FOCAD: variants seen among roughly 807,000 people sequenced by gnomAD.
FOCAD encodes KIAA1797.
A neutral mutation model predicts 225.6 loss-of-function variants in FOCAD; 198 were observed. The ratio of observed to expected loss-of-function variants is 0.88; its 90% CI spans 0.78 to 0.99. FOCAD has a LOEUF of 0.99. Among genes scored for constraint, FOCAD ranks in the 50% least tolerant of loss-of-function variants. FOCAD has a pLI of 0.00. For synonymous variants in FOCAD, 897 were observed against 755.0 expected (o/e 1.19, Z -3.08); for missense variants, 2,713 against 2,123.6 (o/e 1.28, Z -5.46).
At chr9:20,739,211 A>G (rs981644541) in intron 4 of FOCAD, among the ~76,000 whole-genome samples, 18 of 152,232 alleles carry the variant, frequency 1.2e-4, no homozygotes, top group Non-Finnish European at 1.5e-5. Flanking sequence ...TTGATTTCTA[A>G]TCAACTATGT....
intron 9 of FOCAD, among the ~76,000 whole-genome samples, chr9:20,781,011 A>G (rs1358369508): frequency 2.0e-5 from 3 of 152,222 alleles, no homozygotes; most frequent in African/African-American, 7.2e-5. Context: ...TGATAATTTA[A>G]CGTTGAATCC....
At chr9:20,753,068 A>G (rs185644143) in intron 5 of FOCAD, among the ~76,000 whole-genome samples, 2,783 of 152,162 alleles carry the variant, frequency 0.018, 52 homozygotes, top group Non-Finnish European at 0.027. Flanking sequence ...GGCTGAGTCA[A>G]TGGGGTTTTC....
intron 28 of FOCAD, among the ~76,000 whole-genome samples, chr9:20,935,972 CAAA>C (rs1448295690): frequency 6.6e-6 from 1 of 151,900 alleles, no homozygotes; most frequent in East Asian, 1.9e-4. Context: ...GAAAAATAAT[CAAA>C]AAAAGAATTA....
At position 20,845,442 on chromosome 9, in the gene FOCAD, G is replaced by GAGATATATATATATATAT. The variant is rs368497237; in HGVS notation, c.1921-17135_1921-17134insGATATATATATATATATA. Reference sequence around the variant, plus strand: ...GATATATTTTATGCATCTTTTCCTCGATATATATATATATATATATATATG... The same window carrying GAGATATATATATATATAT: ...GATATATTTTATGCATCTTTTCCTCGAGATATATATATATATATATATATATATATATATATATATATG... On this transcript the variant is annotated intron_variant, in intron 15 of 43. Coordinates refer to ENST00000338382, the MANE Select transcript of FOCAD (RefSeq NM_001375567.1). 2.7e-3 allele frequency among the ~76,000 whole-genome samples: 327 copies of GAGATATATATATATATAT among 121,222 alleles called. 2 individuals carry two copies. Among genetic ancestry groups the GAGATATATATATATATAT allele is most frequent in the African/African-American group, 6.8e-3 (215 of 31,552 alleles). 79.5% of individuals were successfully genotyped at this position (121,222 alleles called of 152,430 possible).
At chr9:20,845,386 A>G (rs1587380811) in intron 15 of FOCAD, among the ~76,000 whole-genome samples, 1 of 148,864 alleles carries the variant, frequency 6.7e-6, no homozygotes, top group African/African-American at 2.5e-5. Flanking sequence ...TGTACTGAAC[A>G]TATTTAGTAG....
In FOCAD at chr9:20,878,315, T is replaced by C. The variant is rs1830398375; in HGVS notation, c.2317+3508T>C. Among the ~76,000 whole-genome samples the C allele has an allele frequency of 2.0e-5, 3 of 152,204 alleles. No individual in the cohort carries two copies. In the South Asian group the frequency reaches 6.2e-4, roughly 32 times the overall value. On this transcript the variant is annotated intron_variant, in intron 19 of 43. Transcript: ENST00000338382. ...TTTCTTGTGTTTTTTGCCTGCGTTT[T>C]CATTTCTGTGATCTTCAAAATGTGA...
intron 7 of FOCAD, among the ~76,000 whole-genome samples, chr9:20,767,319 T>C (rs1272772570): frequency 6.8e-6 from 1 of 147,594 alleles, no homozygotes; most frequent in Non-Finnish European, 1.5e-5. Context: ...GCAAGATTTA[T>C]AGTCCTTTGG....
At chr9:20,731,882 C>A (rs142670018) in intron 4 of FOCAD, among the ~76,000 whole-genome samples, 142 of 152,182 alleles carry the variant, frequency 9.3e-4, no homozygotes, top group African/African-American at 3.2e-3. Context: ...CTCCCAAAGT[C>A]CTGGGATTAC....
chr9:20,948,996 C>T (rs892548110), intron 32 of FOCAD, 68 bp downstream of exon 32: 55 of 1,435,264 alleles, frequency 3.8e-5, no homozygotes, highest in Middle Eastern at 1.7e-4. Flanking sequence ...AGAAGAATAC[C>T]CAGTGTTTTA....
chr9:20,891,726 G>T (rs1304718837), intron 21 of FOCAD, among the ~76,000 whole-genome samples: 1 of 152,188 alleles, frequency 6.6e-6, no homozygotes, highest in Non-Finnish European at 1.5e-5. Flanking sequence ...ACACCAAAGT[G>T]CAAGTTGAAG....
chr9:20,870,139 C>A (rs562165700), intron 18 of FOCAD, among the ~76,000 whole-genome samples: 1 of 152,044 alleles, frequency 6.6e-6, no homozygotes, highest in Non-Finnish European at 1.5e-5. Context: ...AAAACATTCA[C>A]CTATTTAAAA....
chr9:20,675,167 C>G (rs1025690134), intron 2 of FOCAD, among the ~76,000 whole-genome samples: 6 of 152,114 alleles, frequency 3.9e-5, no homozygotes, highest in Non-Finnish European at 7.4e-5. Flanking sequence ...GTAAGGAAGT[C>G]TGGGAAAGTA....
intron 18 of FOCAD, 145 bp downstream of exon 18, chr9:20,867,157 T>C: frequency 1.9e-6 from 1 of 529,204 alleles, no homozygotes. Context: ...TCATACCCAT[T>C]ATTTGTTTAT....
chr9:20,821,482 G>C (rs373949596), intron 14 of FOCAD, among the ~76,000 whole-genome samples: 1 of 151,904 alleles, frequency 6.6e-6, no homozygotes, highest in African/African-American at 2.4e-5. Flanking sequence ...CCTTATTTTT[G>C]GAAATGGAAT....
intron 28 of FOCAD, among the ~76,000 whole-genome samples, chr9:20,941,207 G>C (rs1217374612): frequency 6.6e-6 from 1 of 152,154 alleles, no homozygotes. Flanking sequence ...TCTCCCTGCT[G>C]AAAGAACCCG....
At position 20,966,114 on chromosome 9, in the gene FOCAD, T is replaced by C. The variant is rs570589534; in HGVS notation, c.4133-10306T>C. 5.3e-5 allele frequency among the ~76,000 whole-genome samples: 8 copies of C among 152,256 alleles called. 1 individual carries two copies. In the South Asian group the frequency reaches 1.0e-3, roughly 20 times the overall value. The stretch of plus-strand genomic sequence containing the variant: ...AACTTTTTGAGGAACTACCAAACTG[T>C]TTTTCCACAGTGGCCGCACTGTTTT... On this transcript the variant is annotated intron_variant, in intron 35 of 43. Transcript: ENST00000338382.
intron 21 of FOCAD, among the ~76,000 whole-genome samples, chr9:20,902,356 G>A (rs1470052639): frequency 2.0e-5 from 3 of 151,942 alleles, no homozygotes; most frequent in Non-Finnish European, 4.4e-5. Context: ...GTCCTGTGAA[G>A]TATAAGACAA....
Position 20,852,182 on chromosome 9 carries a change from C to T in FOCAD, c.1921-10396C>T, listed in dbSNP as rs1587401099. On this transcript the variant is annotated intron_variant, in intron 15 of 43. Transcript: ENST00000338382. ...TGGGGGAACCATTTTTGTTGTGAATCACTAGCTTTCTAGCACTGAAGAGCA... is the reference window on the plus strand; with the variant it reads ...TGGGGGAACCATTTTTGTTGTGAATTACTAGCTTTCTAGCACTGAAGAGCA... 3.3e-5 allele frequency among the ~76,000 whole-genome samples: 5 copies of T among 151,722 alleles called. No homozygotes were observed. The East Asian group carries it at 9.6e-4, about 29-fold the overall frequency.
chr9:20,727,114 C>G (rs955048534), intron 4 of FOCAD, among the ~76,000 whole-genome samples: 1 of 152,202 alleles, frequency 6.6e-6, no homozygotes, highest in Non-Finnish European at 1.5e-5. Flanking sequence ...CCCATCTTGT[C>G]TTTTAAATAT....
Sources: gnomAD v4.1 joint callset for allele counts (sites outside exome capture counted in the v4.1 genomes callset) on GRCh38, gnomAD v4.1.1 for gene constraint, MANE v1.5 for transcripts, NCBI Gene and HGNC (gene_info 2026-07-23, HGNC 2026-07-21) for gene names.